Variants in PPM1L observed in about 807,000 individuals in gnomAD.
The protein encoded by PPM1L is protein phosphatase, Mg2+/Mn2+ dependent 1L.
In PPM1L, 13 loss-of-function variants were observed where a neutral mutation model predicts 31.4. The ratio of observed to expected loss-of-function variants is 0.41; its 90% CI spans 0.27 to 0.66. The LOEUF (loss-of-function observed/expected upper bound fraction) is 0.66, where lower values mean the gene tolerates loss of function less well. PPM1L is among the 30% of genes least tolerant of loss of function. The pLI, the probability that PPM1L is intolerant of heterozygous loss-of-function variation, is 0.29. For missense variants in PPM1L, 326 were observed against 453.7 expected, an observed-to-expected ratio of 0.72 and a Z score of 2.56; for synonymous variants, 184 against 175.4, an observed-to-expected ratio of 1.05 and a Z score of -0.39.
intron 1 of PPM1L, chr3:160,882,155 T>G (rs2108038497): frequency 6.6e-6 from 1 of 152,332 alleles, no homozygotes; most frequent in South Asian, 2.1e-4. Context: ...AAATTTGATC[T>G]TAATATTAAT....
intron 1 of PPM1L, among the ~76,000 whole-genome samples, chr3:160,925,190 C>T (rs1440827090): frequency 5.9e-5 from 9 of 152,116 alleles, no homozygotes; most frequent in African/African-American, 1.2e-4. Context: ...TTACAACAGC[C>T]GCTGCTCTAC....
intron 1 of PPM1L, among the ~76,000 whole-genome samples, chr3:160,810,679 G>A (rs77421502): frequency 0.035 from 5,255 of 152,258 alleles, 138 homozygotes; most frequent in Middle Eastern, 0.12. Flanking sequence ...ATTTGCTTAC[G>A]GATGACCTGC....
intron 1 of PPM1L, among the ~76,000 whole-genome samples, chr3:160,878,303 G>A (rs1289536649): frequency 6.6e-6 from 1 of 152,154 alleles, no homozygotes; most frequent in Non-Finnish European, 1.5e-5. Context: ...GTCCACTTGG[G>A]ATGCTAGAAC....
intron 1 of PPM1L, among the ~76,000 whole-genome samples, chr3:160,884,592 G>A (rs896055733): frequency 6.6e-6 from 1 of 152,120 alleles, no homozygotes; most frequent in Non-Finnish European, 1.5e-5. Flanking sequence ...ACACCATTAC[G>A]AAGTAAACAA....
intron 1 of PPM1L, among the ~76,000 whole-genome samples, chr3:160,952,128 A>G (rs1267408366): frequency 1.3e-5 from 2 of 152,228 alleles, no homozygotes; most frequent in East Asian, 3.9e-4. Context: ...AAAAATGGCA[A>G]GAAATGACAC....
intron 1 of PPM1L, among the ~76,000 whole-genome samples, chr3:160,918,359 C>T (rs1423343259): frequency 6.6e-6 from 1 of 152,196 alleles, no homozygotes; most frequent in African/African-American, 2.4e-5. Flanking sequence ...AGAATAACTT[C>T]TGAGGAACCA....
At chr3:161,030,124 C>CTATGG (rs1718517143) in intron 2 of PPM1L, among the ~76,000 whole-genome samples, 1 of 152,212 alleles carries the variant, frequency 6.6e-6, no homozygotes, top group African/African-American at 2.4e-5. Flanking sequence ...AAATCAGCAA[C>CTATGG]TGCTATGGTC....
intron 1 of PPM1L, among the ~76,000 whole-genome samples, chr3:160,945,163 T>G: frequency 7.9e-6 from 1 of 126,798 alleles, no homozygotes; most frequent in African/African-American, 3.1e-5. Context: ...CTCCACTGAT[T>G]TTGTTTTAGT....
chr3:160,941,699 A>G (rs1055085007), intron 1 of PPM1L, among the ~76,000 whole-genome samples: 1 of 152,200 alleles, frequency 6.6e-6, no homozygotes, highest in Admixed American at 6.5e-5. Flanking sequence ...TGTTTTTATC[A>G]GCAGCATGAA....
At chr3:161,015,208 C>G (rs1236929736) in intron 2 of PPM1L, among the ~76,000 whole-genome samples, 1 of 152,120 alleles carries the variant, frequency 6.6e-6, no homozygotes, top group African/African-American at 2.4e-5. Context: ...CATGCGCTAT[C>G]CTTCCTTCCC....
intron 1 of PPM1L, among the ~76,000 whole-genome samples, chr3:160,802,373 CCTACAATCCGGCTTGGAA>C (rs1275778455): frequency 1.3e-5 from 2 of 152,138 alleles, no homozygotes; most frequent in Non-Finnish European, 2.9e-5. Context: ...TGGCTAGAAA[CCTACAATCCGGCTTGGAA>C]CTGAGGTTTC....
chr3:160,836,299 T>A lies in PPM1L; in HGVS notation c.399+79592T>A, dbSNP rs554679882. ...GAAGCTGCTCTTGAATTTATTACTT[T>A]TCTTTGGAAGGAAAGGAAGAGAGAG... is the stretch of plus-strand genomic sequence containing the variant. On this transcript the variant is annotated intron_variant, in intron 1 of 3. Coordinates refer to ENST00000498165, the MANE Select transcript of PPM1L (RefSeq NM_139245.4). Among the ~76,000 whole-genome samples the A allele has an allele frequency of 1.8e-3, 275 of 151,714 alleles. 7 individuals are homozygous for A. The South Asian group carries it at 0.026, about 14-fold the overall frequency.
chr3:160,770,548 G>A (rs1291649642), intron 1 of PPM1L, among the ~76,000 whole-genome samples: 1 of 152,184 alleles, frequency 6.6e-6, no homozygotes, highest in African/African-American at 2.4e-5. Context: ...AAACCAGCAT[G>A]CATCGATTAC....
intron 1 of PPM1L, among the ~76,000 whole-genome samples, chr3:160,806,195 T>C (rs1712596341): frequency 6.6e-6 from 1 of 152,206 alleles, no homozygotes; most frequent in African/African-American, 2.4e-5. Context: ...GTAGGGGCTG[T>C]GCTCTCTAGC....
chr3:161,072,053 C>A lies in PPM1L; in HGVS notation c.*2896C>A, dbSNP rs77230788. 1 of 152,150 alleles carries A rather than the reference C, an allele frequency of 6.6e-6. No individual in the cohort carries two copies. The highest frequency in any genetic ancestry group is 2.4e-5 in the African/African-American group (1 of 41,418). 9.4% of individuals were successfully genotyped at this position (152,150 alleles called of 1,614,324 possible). On this transcript the variant is annotated 3_prime_UTR_variant, in exon 4 of 4. Coordinates refer to ENST00000498165, the MANE Select transcript of PPM1L (RefSeq NM_139245.4). ...CTGAGACCCCAGCACGATGCCAGGC[C>A]CAGGTCTCCATTAATGCAGTGCTCT...
At chr3:160,917,073 G>C (rs1017270739) in intron 1 of PPM1L, among the ~76,000 whole-genome samples, 1 of 152,120 alleles carries the variant, frequency 6.6e-6, no homozygotes, top group African/African-American at 2.4e-5. Flanking sequence ...GACAAGAGAG[G>C]GAATTAGGAT....
At chr3:160,994,141 A>C (rs917602380) in intron 2 of PPM1L, among the ~76,000 whole-genome samples, 1 of 152,168 alleles carries the variant, frequency 6.6e-6, no homozygotes, top group African/African-American at 2.4e-5. Flanking sequence ...TTATTAATTC[A>C]TCCAGAAAAT....
chr3:161,060,606 G>C (rs993481658), intron 2 of PPM1L, among the ~76,000 whole-genome samples: 1 of 152,106 alleles, frequency 6.6e-6, no homozygotes, highest in Non-Finnish European at 1.5e-5. Context: ...ATGATTCTTA[G>C]GTTCTGGCTT....
At chr3:160,780,681 G>A (rs116080342) in intron 1 of PPM1L, among the ~76,000 whole-genome samples, 2,093 of 152,250 alleles carry the variant, frequency 0.014, 37 homozygotes, top group Non-Finnish European at 0.019. Context: ...TCAGGATGTG[G>A]GTGTGTGTCA....
Sources: gnomAD v4.1 joint callset for allele counts (sites outside exome capture counted in the v4.1 genomes callset) on GRCh38, gnomAD v4.1.1 for gene constraint, MANE v1.5 for transcripts, NCBI Gene and HGNC (gene_info 2026-07-23, HGNC 2026-07-21) for gene names.